Variants in SLIT1 observed in about 807,000 individuals in gnomAD.
SLIT1 encodes the protein slit guidance ligand 1, also known as slit homolog 1 protein.
In SLIT1, 66 loss-of-function variants were observed where a neutral mutation model predicts 186.1. The observed-to-expected ratio is 0.35, with a 90% CI of 0.29 to 0.44. SLIT1 has a LOEUF of 0.44. Ranked by LOEUF, SLIT1 falls within the 20% of genes least tolerant of loss-of-function variation. The probability of loss-of-function intolerance (pLI) is 1.00; values close to 1 mark genes in which losing one functional copy is unlikely to be tolerated. For missense variants in SLIT1, 1,638 were observed against 2,037.4 expected (o/e 0.80, Z 3.77); for synonymous variants, 761 against 833.8 (o/e 0.91, Z 1.50).
At chr10:97,016,505 CCCT>C (rs1848456448) in intron 28 of SLIT1, among the ~76,000 whole-genome samples, 1 of 152,128 alleles carries the variant, frequency 6.6e-6, no homozygotes, top group African/African-American at 2.4e-5. Flanking sequence ...AAGTGATCCT[CCCT>C]CCTCAGCCTC....
chr10:97,138,849 G>GT (rs1849730099), intron 4 of SLIT1, among the ~76,000 whole-genome samples: 1 of 152,194 alleles, frequency 6.6e-6, no homozygotes, highest in Non-Finnish European at 1.5e-5. Flanking sequence ...ACATTCCAGT[G>GT]TTTTTTCATT....
intron 28 of SLIT1, among the ~76,000 whole-genome samples, chr10:97,017,232 G>T (rs1206333547): frequency 1.3e-5 from 2 of 152,218 alleles, no homozygotes; most frequent in Non-Finnish European, 2.9e-5. Context: ...AAGCCCCGAG[G>T]AGGCTGGGTG....
chr10:97,166,635 G>GAA (rs1303659797), intron 1 of SLIT1, among the ~76,000 whole-genome samples: 1 of 140,152 alleles, frequency 7.1e-6, no homozygotes, highest in Non-Finnish European at 1.6e-5. Context: ...GAAAAGAAAA[G>GAA]AAAAGAAAGG....
At chr10:97,108,463 TC>T (rs1256064593) in intron 4 of SLIT1, among the ~76,000 whole-genome samples, 1 of 152,162 alleles carries the variant, frequency 6.6e-6, no homozygotes, top group Non-Finnish European at 1.5e-5. Flanking sequence ...AATCGAGAGT[TC>T]CAGAGGGCCC....
intron 4 of SLIT1, among the ~76,000 whole-genome samples, chr10:97,090,054 C>T (rs149676639): frequency 5.3e-5 from 8 of 152,352 alleles, no homozygotes; most frequent in Admixed American, 3.3e-4. Context: ...CCAGCATCCT[C>T]GCCGCTGCTG....
chr10:97,109,910 T>C (rs890036566), intron 4 of SLIT1, among the ~76,000 whole-genome samples: 2 of 152,054 alleles, frequency 1.3e-5, no homozygotes, highest in South Asian at 2.1e-4. Context: ...GGGCCAGAAA[T>C]TGAGGGGGAA....
intron 4 of SLIT1, among the ~76,000 whole-genome samples, chr10:97,130,307 C>T (rs1052045871): frequency 1.3e-5 from 2 of 152,208 alleles, no homozygotes; most frequent in African/African-American, 4.8e-5. Context: ...GATACTTGTA[C>T]GCCTTCATTC....
chr10:97,002,948 TCTGCCACA>T lies in SLIT1; in HGVS notation c.3902_3909del (p.Leu1301HisfsTer71). The T allele has an allele frequency of 6.2e-7, 1 of 1,614,178 alleles. No homozygotes were observed. Among genetic ancestry groups the T allele is most frequent in the Non-Finnish European group, 8.5e-7 (1 of 1,180,014 alleles). The stretch of plus-strand genomic sequence containing the variant: ...CCGTGGAAGCCGGTGCCGTTGAGGA[TCTGCCACA>T]GGCGGAAGGCAGCTGAGTTGACATC... On this transcript the variant is annotated frameshift_variant, in exon 35 of 37. Coordinates refer to ENST00000266058, the MANE Select transcript of SLIT1 (RefSeq NM_003061.3). LOFTEE classifies it high-confidence loss of function.
intron 4 of SLIT1, among the ~76,000 whole-genome samples, chr10:97,155,777 G>A (rs2134717747): frequency 6.6e-6 from 1 of 152,226 alleles, no homozygotes; most frequent in East Asian, 1.9e-4. Context: ...CATAGGAGGG[G>A]GAAAGAATTG....
chr10:97,149,223 T>A (rs1849849197), intron 4 of SLIT1, among the ~76,000 whole-genome samples: 1 of 152,328 alleles, frequency 6.6e-6, no homozygotes, highest in East Asian at 1.9e-4. Context: ...CGAGCAGATG[T>A]CAATCTGAGG....
At chr10:97,138,233 T>A (rs1849721520) in intron 4 of SLIT1, among the ~76,000 whole-genome samples, 1 of 152,220 alleles carries the variant, frequency 6.6e-6, no homozygotes. Context: ...CAGTGGCCAA[T>A]TATATTTGGG....
Position 97,164,847 on chromosome 10 carries a change from A to T in SLIT1, c.241T>A (p.Phe81Ile). 6.2e-7 allele frequency: 1 copy of T among 1,613,702 alleles called. No individual in the cohort carries two copies. Among genetic ancestry groups the T allele is most frequent in the Non-Finnish European group, 8.5e-7 (1 of 1,179,726 alleles). Residue 81 changes from phenylalanine (F) to isoleucine (I), a missense_variant, in exon 2 of 37, where the codon TTT (phenylalanine) becomes ATT (isoleucine). Physicochemically the swap from Phe to Ile is conservative, Grantham distance 21. Around this residue, in one of 3 missense-constraint regions of SLIT1, gnomAD observed 1,245 missense variants for 1,535.3 expected, o/e 0.81. Coordinates refer to ENST00000266058, the MANE Select transcript of SLIT1 (RefSeq NM_003061.3). ...ACCCGCAGCTGCTTGAGCCCCGCAA[A>T]GTCATTCTTATGGATCCGAGTGATG... is the stretch of plus-strand genomic sequence containing the variant. Reference protein sequence around the residue: ...NNITRIHKNDFAGLKQLRVLQ... With the variant: ...NNITRIHKNDIAGLKQLRVLQ...
intron 4 of SLIT1, among the ~76,000 whole-genome samples, chr10:97,137,916 A>C (rs757463633): frequency 1.3e-4 from 20 of 152,218 alleles, no homozygotes; most frequent in Non-Finnish European, 2.5e-4. Flanking sequence ...TTTCCACATA[A>C]GAAAACTGAG....
At chr10:97,101,226 G>T (rs528313591) in intron 4 of SLIT1, 5 of 152,326 alleles carry the variant, frequency 3.3e-5, no homozygotes, top group African/African-American at 9.6e-5. Context: ...AATAGAGAGG[G>T]AGTCACCAGA....
intron 1 of SLIT1, among the ~76,000 whole-genome samples, chr10:97,175,285 C>G (rs1402090961): frequency 6.6e-6 from 1 of 152,184 alleles, no homozygotes; most frequent in Non-Finnish European, 1.5e-5. Flanking sequence ...TTGTTTATCC[C>G]TTCATCTGTT....
At chr10:97,018,864 C>A in intron 27 of SLIT1, 119 bp downstream of exon 27, 2 of 664,162 alleles carry the variant, frequency 3.0e-6, no homozygotes, top group South Asian at 1.9e-5. Flanking sequence ...TATGTTAAGT[C>A]ATTAATTACA....
chr10:97,051,335 C>T (rs1848784646), intron 13 of SLIT1, among the ~76,000 whole-genome samples: 1 of 151,810 alleles, frequency 6.6e-6, no homozygotes, highest in African/African-American at 2.4e-5. Context: ...CCTCATAATA[C>T]ACCACTGGTG....
rs200826876 is a variant in SLIT1 at position 97,046,688 on chromosome 10, C to G, written c.1819G>C (p.Gly607Arg). Residue 607 changes from glycine (G) to arginine (R), a missense_variant, in exon 18 of 37, where the codon GGC becomes CGC. By Grantham distance (125) the Gly-to-Arg change is moderately radical (BLOSUM62 -2). Around this residue, in one of 3 missense-constraint regions of SLIT1, gnomAD observed 1,245 missense variants for 1,535.3 expected, o/e 0.81. Transcript: ENST00000266058. ...TANQLESIRS[G>R]MFRGLDGLRT... ...AAGCCATCCAGACCCCGGAACATGC[C>G]GCTCCGGATGGACTCCAGCTGGTTG... 6.2e-7 allele frequency: 1 copy of G among 1,611,014 alleles called. No individual in the cohort carries two copies. Among genetic ancestry groups the G allele is most frequent in the Non-Finnish European group, 8.5e-7 (1 of 1,180,016 alleles).
At chr10:97,061,555 T>C (rs1186139210) in intron 8 of SLIT1, among the ~76,000 whole-genome samples, 1 of 152,250 alleles carries the variant, frequency 6.6e-6, no homozygotes, top group Non-Finnish European at 1.5e-5. Flanking sequence ...AACAGTAGTT[T>C]CTCTTGTGTC....
Sources: gnomAD v4.1 joint callset for allele counts (sites outside exome capture counted in the v4.1 genomes callset) on GRCh38, gnomAD v4.1.1 for gene constraint, gnomAD v4.1.1 regional missense constraint, MANE v1.5 for transcripts, NCBI Gene and HGNC (gene_info 2026-07-23, HGNC 2026-07-21) for gene names.